Variants in KRABD3 observed in about 807,000 individuals in gnomAD.
KRABD3 encodes the protein KRAB domain containing 3, also known as KRAB domain-containing protein 3.
the KRABD3 span, chr7:149,733,179 T>G: frequency 6.4e-7 from 1 of 1,563,536 alleles, no homozygotes; most frequent in Non-Finnish European, 8.7e-7. Flanking sequence ...AACCAGGAAC[T>G]CTGACCGGTC....
the KRABD3 span, among the ~76,000 whole-genome samples, chr7:149,715,623 C>A: frequency 6.6e-6 from 1 of 152,212 alleles, no homozygotes; most frequent in Non-Finnish European, 1.5e-5. Context: ...ATACCAGCAA[C>A]TGCTCCACGT....
At chr7:149,715,366 C>G in the KRABD3 span, 6 of 1,170,896 alleles carry the variant, frequency 5.1e-6, no homozygotes, top group African/African-American at 1.6e-5. Flanking sequence ...AAATCTCATA[C>G]TTCTGTTCTT....
At chr7:149,723,956 T>C in the KRABD3 span, 1 of 1,538,956 alleles carries the variant, frequency 6.5e-7, no homozygotes, top group Non-Finnish European at 8.8e-7. Flanking sequence ...CAGGCAGGGC[T>C]GTAGGTGGCC....
At chr7:149,723,847 C>A in the KRABD3 span, 2 of 1,613,878 alleles carry the variant, frequency 1.2e-6, no homozygotes, top group African/African-American at 1.3e-5. Context: ...GGGGAACCGA[C>A]GGCTACAGGA....
At chr7:149,733,718 G>T in the KRABD3 span, 1 of 1,581,844 alleles carries the variant, frequency 6.3e-7, no homozygotes, top group Non-Finnish European at 8.6e-7. Flanking sequence ...TCCCCCGGCA[G>T]AACCTCCTGG....
chr7:149,717,549 C>G, the KRABD3 span, among the ~76,000 whole-genome samples: 1 of 152,224 alleles, frequency 6.6e-6, no homozygotes, highest in Non-Finnish European at 1.5e-5. Flanking sequence ...GTGACCATAC[C>G]TGGGCCAGAG....
the KRABD3 span, among the ~76,000 whole-genome samples, chr7:149,728,895 G>A: frequency 2.0e-5 from 3 of 152,232 alleles, no homozygotes; most frequent in East Asian, 5.8e-4. Flanking sequence ...CACCATCCCA[G>A]CTGGAGCTGG....
At chr7:149,719,903 T>C in the KRABD3 span, 1 of 1,354,680 alleles carries the variant, frequency 7.4e-7, no homozygotes, top group South Asian at 1.5e-5. This position sits in a 1 kb window ranked among gnomAD's most constrained non-coding sequence, Gnocchi z 5.6. Context: ...GTTTAAGTGG[T>C]CACATGAATG....
the KRABD3 span, chr7:149,721,406 C>T: frequency 5.6e-6 from 9 of 1,609,510 alleles, no homozygotes; most frequent in East Asian, 2.2e-5. Context: ...GCCCTGCCCT[C>T]TCCGAGGCCT....
At chr7:149,716,188 A>C in the KRABD3 span, among the ~76,000 whole-genome samples, 1 of 152,160 alleles carries the variant, frequency 6.6e-6, no homozygotes, top group African/African-American at 2.4e-5. Flanking sequence ...CTGGGAGAGC[A>C]GGTCTAGGTT....
chr7:149,726,639 T>C, the KRABD3 span, among the ~76,000 whole-genome samples: 1 of 151,960 alleles, frequency 6.6e-6, no homozygotes, highest in Non-Finnish European at 1.5e-5. Flanking sequence ...AGTTTCGCCA[T>C]GTTGGCCAGG....
At chr7:149,721,755 C>G in the KRABD3 span, 1 of 698,938 alleles carries the variant, frequency 1.4e-6, no homozygotes, top group South Asian at 1.5e-5. Context: ...CCCTGGGGAG[C>G]CTGTCATCCC....
At chr7:149,730,222 G>A in the KRABD3 span, 15 of 1,570,532 alleles carry the variant, frequency 9.6e-6, no homozygotes, top group East Asian at 2.8e-4. Context: ...AGGCCCTTGC[G>A]CTTCGCCTGC....
chr7:149,722,562 C>T, the KRABD3 span: 34 of 1,437,350 alleles, frequency 2.4e-5, no homozygotes, highest in South Asian at 6.8e-5. Context: ...CGGTGAGAGG[C>T]GGGCTTTCCT....
the KRABD3 span, chr7:149,715,322 T>G: frequency 1.6e-6 from 2 of 1,213,956 alleles, no homozygotes; most frequent in Non-Finnish European, 2.0e-6. Context: ...GTTATCCTGG[T>G]AGAGTGGGCA....
chr7:149,725,975 C>T, the KRABD3 span: 4 of 1,609,814 alleles, frequency 2.5e-6, no homozygotes, highest in Non-Finnish European at 2.5e-6. Context: ...GAGGAACCCC[C>T]ACCAGCTTCT....
At chr7:149,732,763 A>T in the KRABD3 span, among the ~76,000 whole-genome samples, 1 of 152,052 alleles carries the variant, frequency 6.6e-6, no homozygotes, top group Non-Finnish European at 1.5e-5. This position sits in a 1 kb window ranked among gnomAD's most constrained non-coding sequence, Gnocchi z 4.0. Context: ...CCCACAAAAA[A>T]TGCGCAGAAG....
the KRABD3 span, chr7:149,723,700 A>T: frequency 1.9e-6 from 3 of 1,596,402 alleles, no homozygotes; most frequent in South Asian, 3.3e-5. Context: ...GAGGACACTG[A>T]GCTCCAGGTG....
chr7:149,720,130 A>G, the KRABD3 span: 1 of 1,551,110 alleles, frequency 6.4e-7, no homozygotes, highest in South Asian at 1.2e-5. Context: ...TCCCCAGGGT[A>G]AGTTATCTGT....
Sources: gnomAD v4.1 joint callset for allele counts (sites outside exome capture counted in the v4.1 genomes callset) on GRCh38, gnomAD v4.1.1 for gene constraint, Gnocchi (gnomAD v3.1) non-coding constraint, MANE v1.5 for transcripts, NCBI Gene and HGNC (gene_info 2026-07-23, HGNC 2026-07-21) for gene names.